HYCC2: variants seen among roughly 807,000 people sequenced by gnomAD.
The protein encoded by HYCC2 is hyccin 2.
chr2:201,048,319 G>T, the HYCC2 span, among the ~76,000 whole-genome samples: 1 of 151,956 alleles, frequency 6.6e-6, no homozygotes, highest in Admixed American at 6.6e-5. Context: ...AAAAAAACCA[G>T]ATGGGACAAA....
chr2:201,045,328 A>G, the HYCC2 span, among the ~76,000 whole-genome samples: 3 of 152,246 alleles, frequency 2.0e-5, no homozygotes, highest in East Asian at 5.8e-4. Flanking sequence ...ATAAAAGGGA[A>G]AAACTTTCAA....
the HYCC2 span, among the ~76,000 whole-genome samples, chr2:201,044,996 G>C: frequency 6.6e-6 from 1 of 152,206 alleles, no homozygotes; most frequent in Non-Finnish European, 1.5e-5. Flanking sequence ...TGATGGTTTT[G>C]CTACTGCTAA....
chr2:201,035,919 T>C, the HYCC2 span, among the ~76,000 whole-genome samples: 526 of 152,228 alleles, frequency 3.5e-3, 1 homozygote, highest in Middle Eastern at 0.014. Flanking sequence ...GAACAGCGGA[T>C]ATTGGTGAAC....
At chr2:201,007,950 A>C in the HYCC2 span, among the ~76,000 whole-genome samples, 1 of 152,206 alleles carries the variant, frequency 6.6e-6, no homozygotes, top group African/African-American at 2.4e-5. Flanking sequence ...CTTCAGGGGA[A>C]AGGACAACAG....
the HYCC2 span, among the ~76,000 whole-genome samples, chr2:201,032,101 C>T: frequency 6.6e-6 from 1 of 152,088 alleles, no homozygotes; most frequent in South Asian, 2.1e-4. Flanking sequence ...TCTGGGATTA[C>T]AGGCATGTGC....
the HYCC2 span, among the ~76,000 whole-genome samples, chr2:200,989,577 C>G: frequency 6.6e-6 from 1 of 152,146 alleles, no homozygotes; most frequent in Admixed American, 6.5e-5. Flanking sequence ...CTTTGAGAGG[C>G]TGAAGCAGGC....
the HYCC2 span, among the ~76,000 whole-genome samples, chr2:201,048,929 T>A: frequency 1.3e-5 from 2 of 151,802 alleles, no homozygotes; most frequent in African/African-American, 4.8e-5. Flanking sequence ...CTGGGCAACA[T>A]GGCGAAACCC....
chr2:201,020,089 A>C, the HYCC2 span, among the ~76,000 whole-genome samples: 1 of 152,148 alleles, frequency 6.6e-6, no homozygotes, highest in Non-Finnish European at 1.5e-5. Flanking sequence ...GGCTCAGAAA[A>C]AAACAAACAA....
the HYCC2 span, among the ~76,000 whole-genome samples, chr2:201,067,691 G>A: frequency 1.3e-5 from 2 of 152,180 alleles, no homozygotes; most frequent in Non-Finnish European, 2.9e-5. Context: ...ATATTACTGA[G>A]TGAATGTTAA....
chr2:200,996,497 G>A, the HYCC2 span: 1 of 152,104 alleles, frequency 6.6e-6, no homozygotes, highest in East Asian at 1.9e-4. Context: ...ATGGTGGTGG[G>A]CACCTGTAGT....
the HYCC2 span, among the ~76,000 whole-genome samples, chr2:201,049,447 T>C: frequency 6.6e-5 from 10 of 151,144 alleles, no homozygotes; most frequent in South Asian, 2.1e-4. Context: ...CCTCCCGGGG[T>C]TCAAAAGATT....
the HYCC2 span, among the ~76,000 whole-genome samples, chr2:200,989,350 T>C: frequency 7.1e-3 from 1,085 of 152,310 alleles, 8 homozygotes; most frequent in African/African-American, 0.025. Flanking sequence ...TTCAAGGTAC[T>C]ACTATGATGA....
At chr2:200,979,262 C>T in the HYCC2 span, 1 of 122,994 alleles carries the variant, frequency 8.1e-6, no homozygotes. Flanking sequence ...ATATACACAC[C>T]ATACACACAC....
At chr2:200,997,383 GA>G in the HYCC2 span, 3 of 1,205,342 alleles carry the variant, frequency 2.5e-6, no homozygotes, top group East Asian at 4.7e-5. Context: ...TTGGCTTAGA[GA>G]ATGTGCTCAA....
chr2:201,041,200 A>G, the HYCC2 span, among the ~76,000 whole-genome samples: 1 of 152,212 alleles, frequency 6.6e-6, no homozygotes, highest in Non-Finnish European at 1.5e-5. Flanking sequence ...TTCTCATCTA[A>G]TAGATAAGAA....
the HYCC2 span, chr2:200,981,439 C>G: frequency 6.2e-7 from 1 of 1,614,150 alleles, no homozygotes; most frequent in South Asian, 1.1e-5. The surrounding 1 kb of genome is among the most constrained non-coding windows in gnomAD (Gnocchi z 4.5). Flanking sequence ...ATTAGTACCT[C>G]CCTCAGTGCC....
chr2:201,011,144 C>T, the HYCC2 span, among the ~76,000 whole-genome samples: 1 of 151,628 alleles, frequency 6.6e-6, no homozygotes, highest in Non-Finnish European at 1.5e-5. Flanking sequence ...GACTCCATCT[C>T]AAAAAACAAA....
At chr2:201,009,357 T>C in the HYCC2 span, 1 of 265,964 alleles carries the variant, frequency 3.8e-6, no homozygotes. Flanking sequence ...GAAAAGTTGC[T>C]GAAAAAACTA....
At chr2:200,984,313 T>C in the HYCC2 span, among the ~76,000 whole-genome samples, 1 of 152,200 alleles carries the variant, frequency 6.6e-6, no homozygotes, top group African/African-American at 2.4e-5. Flanking sequence ...GTGCTGATAT[T>C]ATAGGCATGA....
Sources: allele counts gnomAD v4.1 joint callset (sites outside exome capture counted in the v4.1 genomes callset), GRCh38; gene constraint gnomAD v4.1.1; non-coding constraint Gnocchi (gnomAD v3.1); transcripts MANE v1.5; gene names NCBI Gene and HGNC (gene_info 2026-07-23, HGNC 2026-07-21).